The following CARMIL1 variants were observed in gnomAD, a reference collection of about 807,000 sequenced individuals.
CARMIL1 encodes capping protein regulator and myosin 1 linker 1, also known as F-actin-uncapping protein LRRC16A.
CARMIL1 carries 90 observed loss-of-function variants against 177.1 expected under a neutral mutation model. The observed-to-expected ratio is 0.51, with a 90% CI of 0.43 to 0.61. The LOEUF (loss-of-function observed/expected upper bound fraction) is 0.61, where lower values mean the gene tolerates loss of function less well. Ranked by LOEUF, CARMIL1 falls within the 20% of genes least tolerant of loss-of-function variation. The probability of loss-of-function intolerance (pLI) is 0.00; values close to 1 mark genes in which losing one functional copy is unlikely to be tolerated. For synonymous variants in CARMIL1, 577 were observed against 606.2 expected (o/e 0.95, Z 0.71); for missense variants, 1,380 against 1,667.0 (o/e 0.83, Z 3.00).
At chr6:25,412,807 C>T (rs1319626544) in intron 2 of CARMIL1, among the ~76,000 whole-genome samples, 1 of 152,164 alleles carries the variant, frequency 6.6e-6, no homozygotes, top group African/African-American at 2.4e-5. Flanking sequence ...CTGTAGTTTG[C>T]AAACCCTACA....
chr6:25,564,011 G>T (rs1204845277), intron 29 of CARMIL1: 3 of 292,758 alleles, frequency 1.0e-5, no homozygotes, highest in Non-Finnish European at 1.5e-5. Flanking sequence ...ATCATATTAA[G>T]TATCATAAGT....
At chr6:25,312,793 G>A in intron 2 of CARMIL1, among the ~76,000 whole-genome samples, 1 of 149,428 alleles carries the variant, frequency 6.7e-6, no homozygotes, top group East Asian at 1.9e-4. Context: ...ACAGTTTGAA[G>A]TCTTGCCACG....
rs547468112 is a variant in CARMIL1 at position 25,474,377 on chromosome 6, A to G, written c.874+1856A>G. 3.9e-5 allele frequency among the ~76,000 whole-genome samples: 6 copies of G among 152,176 alleles called. 1 individual carries two copies. Among genetic ancestry groups the G allele is most frequent in the South Asian group, 4.2e-4 (2 of 4,816 alleles). Reference sequence around the variant, plus strand: ...TGATCCACCCACCTCGGCCTCCCAAAGTGCTGGGATTACAGGCGTGAGCCA... The same window carrying G: ...TGATCCACCCACCTCGGCCTCCCAAGGTGCTGGGATTACAGGCGTGAGCCA... On this transcript the variant is annotated intron_variant, in intron 11 of 36. Coordinates refer to ENST00000329474, the MANE Select transcript of CARMIL1 (RefSeq NM_017640.6).
intron 2 of CARMIL1, among the ~76,000 whole-genome samples, chr6:25,346,569 T>G (rs1371795504): frequency 6.6e-6 from 1 of 152,250 alleles, no homozygotes; most frequent in Non-Finnish European, 1.5e-5. Flanking sequence ...ATATGTTTTG[T>G]TGATTTATCT....
intron 31 of CARMIL1, among the ~76,000 whole-genome samples, chr6:25,582,997 G>A (rs1435298354): frequency 1.3e-5 from 2 of 152,132 alleles, no homozygotes; most frequent in African/African-American, 2.4e-5. Context: ...GGCATTTGAG[G>A]AAATAGCAAA....
chr6:25,570,229 G>T (rs907422286), intron 29 of CARMIL1, among the ~76,000 whole-genome samples: 1 of 152,196 alleles, frequency 6.6e-6, no homozygotes, highest in Non-Finnish European at 1.5e-5. Context: ...CTCCCAAAGT[G>T]CTGGGATTAC....
intron 2 of CARMIL1, among the ~76,000 whole-genome samples, chr6:25,413,646 A>C (rs1248152635): frequency 1.3e-5 from 2 of 152,220 alleles, no homozygotes; most frequent in Non-Finnish European, 2.9e-5. Context: ...CTTGCATTTC[A>C]ATGAAAGGCA....
intron 16 of CARMIL1, among the ~76,000 whole-genome samples, chr6:25,497,823 AAG>A (rs2151013982): frequency 6.6e-6 from 1 of 152,242 alleles, no homozygotes; most frequent in African/African-American, 2.4e-5. Flanking sequence ...CGAATTGGGG[AAG>A]TAGAGTGTTA....
chr6:25,328,156 C>T (rs116831891), intron 2 of CARMIL1, among the ~76,000 whole-genome samples: 111 of 152,284 alleles, frequency 7.3e-4, no homozygotes, highest in African/African-American at 2.6e-3. Context: ...GATCTTTATT[C>T]TGTGCCAAGC....
rs368502035 is a variant in CARMIL1 at position 25,329,257 on chromosome 6, C to T, written c.138+44348C>T. 9.5e-4 allele frequency among the ~76,000 whole-genome samples: 145 copies of T among 152,278 alleles called. 1 individual carries two copies. Among genetic ancestry groups the T allele is most frequent in the African/African-American group, 3.3e-3 (136 of 41,572 alleles). ...AAAGTTGGATCTGGGAACACTAGGTCTATGTTTGTGCTTAGCAGGAATCGG... is the reference window on the plus strand; with the variant it reads ...AAAGTTGGATCTGGGAACACTAGGTTTATGTTTGTGCTTAGCAGGAATCGG... On this transcript the variant is annotated intron_variant, in intron 2 of 36. Coordinates refer to ENST00000329474, the MANE Select transcript of CARMIL1 (RefSeq NM_017640.6).
chr6:25,529,520 G>C (rs1208098879), intron 24 of CARMIL1, among the ~76,000 whole-genome samples: 6 of 152,088 alleles, frequency 3.9e-5, no homozygotes, highest in Admixed American at 2.0e-4. Context: ...AACAATCTAT[G>C]TGTCAAAGAG....
intron 8 of CARMIL1, among the ~76,000 whole-genome samples, chr6:25,454,462 C>G (rs146257334): frequency 8.4e-4 from 128 of 152,200 alleles, no homozygotes; most frequent in Non-Finnish European, 1.4e-3. Context: ...TCAGCCACCT[C>G]TAATGTGGAA....
intron 2 of CARMIL1, among the ~76,000 whole-genome samples, chr6:25,368,295 C>T (rs191989082): frequency 1.3e-5 from 2 of 152,300 alleles, no homozygotes; most frequent in Admixed American, 6.5e-5. Context: ...GTCCTTTTCC[C>T]AAGGGAAATA....
intron 36 of CARMIL1, among the ~76,000 whole-genome samples, chr6:25,615,393 T>C (rs1816818124): frequency 6.6e-6 from 1 of 152,252 alleles, no homozygotes; most frequent in Non-Finnish European, 1.5e-5. Context: ...TTAATTTCTT[T>C]TACTAGAAAT....
chr6:25,314,728 C>T (rs1784142548), intron 2 of CARMIL1, among the ~76,000 whole-genome samples: 1 of 152,108 alleles, frequency 6.6e-6, no homozygotes, highest in African/African-American at 2.4e-5. Flanking sequence ...TGAGTATATA[C>T]TTGGCTTTAT....
rs77579753 is a variant in CARMIL1, at chr6:25,331,195, A to T, written c.138+46286A>T. ...CCTTCCAGCCTCCTGCTGTCAAAACAACTTTTCTTCTGTTTATTTTCATAT... is the reference window on the plus strand; with the variant it reads ...CCTTCCAGCCTCCTGCTGTCAAAACTACTTTTCTTCTGTTTATTTTCATAT... On this transcript the variant is annotated intron_variant, in intron 2 of 36. Coordinates refer to ENST00000329474, the MANE Select transcript of CARMIL1 (RefSeq NM_017640.6). Among the ~76,000 whole-genome samples the T allele has an allele frequency of 6.0e-3, 910 of 152,242 alleles. 6 individuals carry two copies. The highest frequency in any genetic ancestry group is 0.02 in the African/African-American group (819 of 41,524).
rs1220354441 is a variant in CARMIL1, at chr6:25,619,724, A to C, written c.*141A>C. On this transcript the variant is annotated 3_prime_UTR_variant, in exon 37 of 37. Transcript: ENST00000329474. ...TTTTCTTTATTTCGCCCCCACCCCC[A>C]TCCCCTGCCTTTTTTTTTTTTTTTT... 3.2e-3 allele frequency: 786 copies of C among 243,634 alleles called. No homozygotes were observed. Among genetic ancestry groups the C allele is most frequent in the East Asian group, 6.8e-3 (65 of 9,526 alleles). The allele number at this position is 243,634 out of a possible 1,614,324, so 15.1% of individuals were successfully genotyped here.
chr6:25,413,802 G>C (rs2150656250), intron 2 of CARMIL1, among the ~76,000 whole-genome samples: 2 of 150,860 alleles, frequency 1.3e-5, no homozygotes, highest in Admixed American at 1.3e-4. Context: ...TACTCCATCT[G>C]ATGCACCCTA....
rs747897345 is a variant in CARMIL1 at position 25,310,349 on chromosome 6, TGA to T, written c.138+25445_138+25446del. Among the ~76,000 whole-genome samples, 3 of 152,150 alleles carry T rather than the reference TGA, an allele frequency of 2.0e-5. No homozygotes were observed. In the East Asian group the frequency reaches 5.8e-4, roughly 29 times the overall value. On this transcript the variant is annotated intron_variant, in intron 2 of 36. Coordinates refer to ENST00000329474, the MANE Select transcript of CARMIL1 (RefSeq NM_017640.6). Reference sequence around the variant, plus strand: ...AGGCCACCATATCCAAGCTGCGGCTTGAGAGATAGGTTGAATAGAAAAGTTTT... The same window carrying T: ...AGGCCACCATATCCAAGCTGCGGCTTGAGATAGGTTGAATAGAAAAGTTTT...
Sources: allele counts gnomAD v4.1 joint callset (sites outside exome capture counted in the v4.1 genomes callset), GRCh38; gene constraint gnomAD v4.1.1; transcripts MANE v1.5; gene names NCBI Gene and HGNC (gene_info 2026-07-23, HGNC 2026-07-21).